BANP: variants seen among roughly 807,000 people sequenced by gnomAD.
BANP encodes the protein protein BANP.
A neutral mutation model predicts 68.1 loss-of-function variants in BANP; 11 were observed. That is an observed-to-expected ratio of 0.16 (90% CI 0.10 to 0.27). The LOEUF (loss-of-function observed/expected upper bound fraction) is 0.27, where lower values mean the gene tolerates loss of function less well. Ranked by LOEUF, BANP falls within the 10% of genes least tolerant of loss-of-function variation. BANP has a pLI of 1.00. For missense variants in BANP, 504 were observed against 722.7 expected (o/e 0.70, Z 3.47); for synonymous variants, 329 against 303.2 (o/e 1.09, Z -0.88).
chr16:87,971,342 T>C (rs1294130859), intron 1 of BANP, among the ~76,000 whole-genome samples: 1 of 152,220 alleles, frequency 6.6e-6, no homozygotes, highest in Non-Finnish European at 1.5e-5. Flanking sequence ...GGTTTGGTTT[T>C]CCGAAGCTTG....
At chr16:88,020,855 C>A (rs536620819) in intron 7 of BANP, among the ~76,000 whole-genome samples, 2 of 152,240 alleles carry the variant, frequency 1.3e-5, no homozygotes, top group East Asian at 3.9e-4. Context: ...TTTTATTAAT[C>A]GAGCACAGGG....
At position 88,027,588 on chromosome 16, in the gene BANP, A is replaced by G. The variant is rs2152716135; in HGVS notation, c.1001A>G (p.Gln334Arg). The change falls in exon 8 of 14, where the codon CAG becomes CGG. Residue 334 changes from glutamine (Q) to arginine (R), a missense_variant. Gln to Arg is a conservative substitution (Grantham distance 43). Coordinates refer to ENST00000682872, the MANE Select transcript of BANP (RefSeq NM_001386991.1). Reference protein sequence around the residue: ...RTAWRRKQRGQSLAVKSFSRR... With the variant: ...RTAWRRKQRGRSLAVKSFSRR... ...GCGTGGCGGCGCAAGCAGCGGGGCC[A>G]GAGCCTGGCGGTCAAGAGCTTCTCG... 6.2e-7 allele frequency: 1 copy of G among 1,613,852 alleles called. No homozygotes were observed. The highest frequency in any genetic ancestry group is 1.1e-5 in the South Asian group (1 of 91,070).
chr16:88,066,267 A>C (rs2088568943), intron 12 of BANP, among the ~76,000 whole-genome samples: 2 of 152,112 alleles, frequency 1.3e-5, no homozygotes, highest in Non-Finnish European at 2.9e-5. Context: ...TGCCCAATAA[A>C]TGTATTAACA....
chr16:87,974,849 C>A (rs550627063), intron 1 of BANP, among the ~76,000 whole-genome samples, 199 bp from the exon 2 acceptor site: 13 of 152,308 alleles, frequency 8.5e-5, no homozygotes, highest in African/African-American at 3.1e-4. Flanking sequence ...AGGAAAGAGG[C>A]AGCGGGTGGC....
chr16:88,063,016 C>G (rs2087299234), intron 11 of BANP, among the ~76,000 whole-genome samples: 1 of 152,226 alleles, frequency 6.6e-6, no homozygotes, highest in African/African-American at 2.4e-5. Context: ...GTCCTCATCA[C>G]CAATTTCAAA....
At position 88,049,568 on chromosome 16, in the gene BANP, C is replaced by T. The variant is rs184184265; in HGVS notation, c.1311+11557C>T. 2.6e-5 allele frequency among the ~76,000 whole-genome samples: 4 copies of T among 152,274 alleles called. No homozygotes were observed. In the East Asian group the frequency reaches 7.7e-4, roughly 29 times the overall value. On this transcript the variant is annotated intron_variant, in intron 11 of 13. Transcript: ENST00000682872. ...ACCCACAGTCAGCAAGCAGGGGGAT[C>T]ATTAGAGTGAAAGGAGGGTGAGAGC...
Position 88,006,233 on chromosome 16 carries a change from G to A in BANP, c.623G>A (p.Ser208Asn), listed in dbSNP as rs373253543. ...CAGGCGGGCAGTCAGAGCATCGGGA[G>A]CAACGTCACGCTCATCACCCTGAAC... is the stretch of plus-strand genomic sequence containing the variant. ...CGQAGSQSIG[S>N]NVTLITLNSE... The change falls in exon 6 of 14, where the codon AGC becomes AAC. Residue 208 changes from serine to asparagine, a missense_variant. Ser to Asn is a conservative substitution (Grantham distance 46). This residue lies in a region of BANP where 238 missense variants were observed against 278.9 expected (regional missense o/e 0.85). Coordinates refer to ENST00000682872, the MANE Select transcript of BANP (RefSeq NM_001386991.1). The A allele has an allele frequency of 6.2e-6, 10 of 1,610,576 alleles. No homozygotes were observed. In the African/African-American group the frequency reaches 6.7e-5, roughly 11 times the overall value.
chr16:87,995,695 A>C (rs552477412), intron 4 of BANP, among the ~76,000 whole-genome samples: 4 of 152,358 alleles, frequency 2.6e-5, no homozygotes, highest in South Asian at 4.1e-4. Context: ...TCAAATATAC[A>C]TCAGATATCC....
At chr16:88,052,673 C>G (rs948437834) in intron 11 of BANP, among the ~76,000 whole-genome samples, 1 of 151,918 alleles carries the variant, frequency 6.6e-6, no homozygotes, top group Admixed American at 6.6e-5. Context: ...ACCCTAACAA[C>G]TGCTATCACC....
Position 88,057,040 on chromosome 16 carries a change from C to G in BANP, c.1312-8227C>G, listed in dbSNP as rs1475710872. Among the ~76,000 whole-genome samples, 4 of 152,222 alleles carry G rather than the reference C, an allele frequency of 2.6e-5. No individual in the cohort carries two copies. The highest frequency in any genetic ancestry group is 7.2e-5 in the African/African-American group (3 of 41,458). On this transcript the variant is annotated intron_variant, in intron 11 of 13. Coordinates refer to ENST00000682872, the MANE Select transcript of BANP (RefSeq NM_001386991.1). The surrounding 1 kb of genome is among the most constrained non-coding windows in gnomAD (Gnocchi z 4.6). The stretch of plus-strand genomic sequence containing the variant: ...AAAGTGTGATTTCTGAATAACTTTA[C>G]AAATCCTTTTGGTGGGATCCAAATG...
At chr16:88,058,879 C>T (rs1389355721) in intron 11 of BANP, among the ~76,000 whole-genome samples, 7 of 152,178 alleles carry the variant, frequency 4.6e-5, no homozygotes, top group Non-Finnish European at 4.4e-5. Flanking sequence ...TTTACGTTGA[C>T]TCCCAAAGTG....
intron 2 of BANP, among the ~76,000 whole-genome samples, chr16:87,977,654 G>C (rs1255798637): frequency 1.3e-5 from 2 of 152,214 alleles, no homozygotes; most frequent in Non-Finnish European, 2.9e-5. Flanking sequence ...AATTCTACTG[G>C]TTGTAGCAGC....
At chr16:88,054,081 C>G (rs371032453) in intron 11 of BANP, among the ~76,000 whole-genome samples, 2,516 of 93,048 alleles carry the variant, frequency 0.027, 145 homozygotes, top group African/African-American at 0.081. Flanking sequence ...CCTTCACCAC[C>G]ACCTCTACTG....
rs149107053 is a variant in BANP, at chr16:88,035,435, G to A, written c.1272+41G>A. 2,286 of 1,533,458 alleles carry A rather than the reference G, an allele frequency of 1.5e-3. 11 individuals carry two copies. Among genetic ancestry groups the A allele is most frequent in the Middle Eastern group, 6.2e-3 (29 of 4,692 alleles). 95.0% of individuals were successfully genotyped at this position (1,533,458 alleles called of 1,614,324 possible). A position where few individuals can be genotyped will look rare whatever the true frequency, so the allele number is the denominator to read the frequency against. On this transcript the variant is annotated intron_variant, in intron 10 of 13. Coordinates refer to ENST00000682872, the MANE Select transcript of BANP (RefSeq NM_001386991.1). ...CTGCAGCACTGTCCCTGCAGGCACC[G>A]TGCCCACATGCTCCCGACCTTCATC...
intron 11 of BANP, among the ~76,000 whole-genome samples, chr16:88,040,855 G>A (rs11117350): frequency 0.47 from 71,648 of 152,146 alleles, 20,025 homozygotes; most frequent in Non-Finnish European, 0.65. Context: ...AGAAATGGAC[G>A]CGGCTGTTTT....
At chr16:87,994,770 A>T (rs985030928) in intron 4 of BANP, among the ~76,000 whole-genome samples, 2 of 152,196 alleles carry the variant, frequency 1.3e-5, no homozygotes, top group African/African-American at 2.4e-5. Context: ...CCCCGTGTAT[A>T]AAAATAAAAT....
chr16:88,035,895 G>A lies in BANP; in HGVS notation c.1272+501G>A, dbSNP rs376488519. On this transcript the variant is annotated intron_variant, in intron 10 of 13. Coordinates refer to ENST00000682872, the MANE Select transcript of BANP (RefSeq NM_001386991.1). Reference sequence around the variant, plus strand: ...GTCCTGAGAGCTGCTCATAGCCCTTGACGCACCTGCTGGGTCTGTGATTGT... The same window carrying A: ...GTCCTGAGAGCTGCTCATAGCCCTTAACGCACCTGCTGGGTCTGTGATTGT... Among the ~76,000 whole-genome samples the A allele has an allele frequency of 7.0e-4, 107 of 152,350 alleles. 2 individuals carry two copies. In the Middle Eastern group the frequency reaches 0.01, roughly 15 times the overall value.
chr16:87,998,155 C>T (rs1472079428), intron 4 of BANP, among the ~76,000 whole-genome samples: 3 of 152,188 alleles, frequency 2.0e-5, no homozygotes, highest in African/African-American at 7.2e-5. Context: ...TCACCCATGT[C>T]CTGTGCATTC....
intron 11 of BANP, among the ~76,000 whole-genome samples, chr16:88,052,937 C>T (rs1401712100): frequency 6.6e-6 from 1 of 151,674 alleles, no homozygotes; most frequent in African/African-American, 2.4e-5. Flanking sequence ...TTAACCACTA[C>T]CATCACCACC....
Sources: allele counts gnomAD v4.1 joint callset (sites outside exome capture counted in the v4.1 genomes callset), GRCh38; gene constraint gnomAD v4.1.1; regional missense constraint gnomAD v4.1.1; non-coding constraint Gnocchi (gnomAD v3.1); transcripts MANE v1.5; gene names NCBI Gene and HGNC (gene_info 2026-07-23, HGNC 2026-07-21).